NLGN1: variants seen among roughly 807,000 people sequenced by gnomAD.
NLGN1 encodes the protein neuroligin-1.
Under a neutral mutation model 65.5 loss-of-function variants are expected in NLGN1, and 12 were observed. That is an observed-to-expected ratio of 0.18 (90% confidence interval 0.12 to 0.30). NLGN1 has a LOEUF of 0.30. NLGN1 is among the 10% of genes least tolerant of loss of function. The pLI, the probability that NLGN1 is intolerant of heterozygous loss-of-function variation, is 1.00. For synonymous variants in NLGN1, 350 were observed against 359.5 expected, an observed-to-expected ratio of 0.97 and a Z score of 0.30; for missense variants, 750 against 1,007.1, an observed-to-expected ratio of 0.74 and a Z score of 3.46.
chr3:173,532,252 A>G (rs894616394), intron 2 of NLGN1, among the ~76,000 whole-genome samples: 8 of 152,188 alleles, frequency 5.3e-5, no homozygotes, highest in Non-Finnish European at 1.0e-4. Flanking sequence ...AATGGTAGAT[A>G]TTTGATGCCA....
At chr3:173,874,999 T>C (rs983780200) in intron 4 of NLGN1, among the ~76,000 whole-genome samples, 3 of 152,176 alleles carry the variant, frequency 2.0e-5, no homozygotes, top group Non-Finnish European at 4.4e-5. Flanking sequence ...ACTACTTATG[T>C]TTAGTAACCT....
At chr3:174,225,584 C>A (rs1221717120) in intron 4 of NLGN1, among the ~76,000 whole-genome samples, 2 of 152,002 alleles carry the variant, frequency 1.3e-5, no homozygotes, top group African/African-American at 4.8e-5. Flanking sequence ...ACAAAAAATT[C>A]TCTGGGCGTG....
At chr3:174,205,110 T>A (rs181632624) in intron 4 of NLGN1, among the ~76,000 whole-genome samples, 93 of 152,200 alleles carry the variant, frequency 6.1e-4, no homozygotes, top group Middle Eastern at 3.4e-3. Context: ...TTCAAAATTT[T>A]AAAAAAAATT....
At chr3:174,281,459 AT>A (rs1469913417) in exon 7 of NLGN1, 1 of 604,790 alleles carries the variant, frequency 1.7e-6, no homozygotes, top group Non-Finnish European at 3.0e-6. Context: ...AAAAAAATGA[AT>A]TGTATATATA....
intron 4 of NLGN1, among the ~76,000 whole-genome samples, chr3:174,015,447 T>C (rs962447259): frequency 1.3e-5 from 2 of 152,144 alleles, no homozygotes; most frequent in African/African-American, 4.8e-5. Context: ...TCAAGCTCTC[T>C]GGTGTCTCTT....
chr3:174,170,452 G>T (rs1262036863), intron 4 of NLGN1, among the ~76,000 whole-genome samples: 1 of 152,186 alleles, frequency 6.6e-6, no homozygotes, highest in Non-Finnish European at 1.5e-5. Context: ...CTCCGTGATG[G>T]ATTATTGCAT....
intron 4 of NLGN1, among the ~76,000 whole-genome samples, chr3:174,012,145 T>A (rs1296335405): frequency 6.6e-6 from 1 of 152,144 alleles, no homozygotes; most frequent in East Asian, 1.9e-4. Flanking sequence ...GCTGCTAAAC[T>A]TGTGCAACTG....
downstream of NLGN1, among the ~76,000 whole-genome samples, chr3:174,287,569 A>T (rs893307835): frequency 1.3e-5 from 2 of 151,586 alleles, no homozygotes; most frequent in African/African-American, 4.8e-5. Flanking sequence ...GTTCAAAAAA[A>T]GTTTCAAATA....
chr3:173,916,619 A>G, intron 4 of NLGN1, among the ~76,000 whole-genome samples: 1 of 152,122 alleles, frequency 6.6e-6, no homozygotes, highest in Admixed American at 6.6e-5. Flanking sequence ...TGCTATTTTT[A>G]TTTATTATAA....
intron 2 of NLGN1, among the ~76,000 whole-genome samples, chr3:173,437,084 T>G (rs1378689856): frequency 6.6e-6 from 1 of 152,224 alleles, no homozygotes; most frequent in Non-Finnish European, 1.5e-5. Flanking sequence ...AAGCACTACA[T>G]AAAACATTTG....
At chr3:173,637,964 T>C (rs1756847387) in intron 3 of NLGN1, among the ~76,000 whole-genome samples, 1 of 152,216 alleles carries the variant, frequency 6.6e-6, no homozygotes, top group Non-Finnish European at 1.5e-5. Context: ...TTGTGAAACT[T>C]TGATGATAAA....
chr3:173,848,952 A>G (rs1309918333), intron 4 of NLGN1, among the ~76,000 whole-genome samples: 2 of 152,116 alleles, frequency 1.3e-5, no homozygotes, highest in Non-Finnish European at 2.9e-5. Flanking sequence ...TTCTAGACAT[A>G]AGGTATGTAG....
intron 1 of NLGN1, among the ~76,000 whole-genome samples, chr3:173,412,311 G>GACAC (rs71162345): frequency 0.29 from 42,127 of 147,418 alleles, 6,481 homozygotes; most frequent in Non-Finnish European, 0.37. Flanking sequence ...CTCTCACTCT[G>GACAC]ACACACACAC....
intron 4 of NLGN1, chr3:173,920,631 T>C (rs1741801991): frequency 6.6e-6 from 1 of 152,050 alleles, no homozygotes. Context: ...AGTTTAAGAG[T>C]CAGTAGCTCA....
Position 173,879,892 on chromosome 3 carries a change from T to C in NLGN1, c.646+72060T>C, listed in dbSNP as rs566294370. Reference sequence around the variant, plus strand: ...GAAACAAAATTTCATGTAAATGAATTCTTAAAAGCATTTCTCAAGTGTATT... The same window carrying C: ...GAAACAAAATTTCATGTAAATGAATCCTTAAAAGCATTTCTCAAGTGTATT... On this transcript the variant is annotated intron_variant, in intron 4 of 6. Transcript: ENST00000457714. Among the ~76,000 whole-genome samples the C allele has an allele frequency of 1.7e-3, 263 of 152,326 alleles. 1 individual carries two copies. Among genetic ancestry groups the C allele is most frequent in the Non-Finnish European group, 3.1e-3 (212 of 68,028 alleles).
At chr3:173,632,784 G>A (rs551484920) in intron 3 of NLGN1, among the ~76,000 whole-genome samples, 1 of 149,524 alleles carries the variant, frequency 6.7e-6, no homozygotes, top group Non-Finnish European at 1.5e-5. Flanking sequence ...CCCTAATATT[G>A]TGGATTCATT....
intron 4 of NLGN1, among the ~76,000 whole-genome samples, chr3:174,090,082 T>C (rs1744210820): frequency 6.6e-6 from 1 of 152,162 alleles, no homozygotes; most frequent in Non-Finnish European, 1.5e-5. Flanking sequence ...TATTAAAAAA[T>C]GTAATCACTT....
At chr3:173,547,859 G>A (rs960238651) in intron 2 of NLGN1, among the ~76,000 whole-genome samples, 45 of 152,080 alleles carry the variant, frequency 3.0e-4, no homozygotes, top group African/African-American at 1.1e-3. Flanking sequence ...TCTATTACAG[G>A]GGGGTAGGAA....
intron 4 of NLGN1, among the ~76,000 whole-genome samples, chr3:173,898,476 G>A (rs568059116): frequency 1.3e-5 from 2 of 152,274 alleles, no homozygotes; most frequent in Admixed American, 6.5e-5. Context: ...TCACACCATA[G>A]AAATGAGTAA....
Sources: allele counts gnomAD v4.1 joint callset (sites outside exome capture counted in the v4.1 genomes callset), GRCh38; gene constraint gnomAD v4.1.1; transcripts MANE v1.5; gene names NCBI Gene and HGNC (gene_info 2026-07-23, HGNC 2026-07-21).